GPR162: variants seen among roughly 807,000 people sequenced by gnomAD.
GPR162 encodes probable G protein-coupled receptor 162.
In GPR162, 26 loss-of-function variants were observed where a neutral mutation model predicts 44.9. The observed-to-expected ratio is 0.58, with a 90% CI of 0.42 to 0.80. The LOEUF (loss-of-function observed/expected upper bound fraction) is 0.80, where lower values mean the gene tolerates loss of function less well. Ranked by LOEUF, GPR162 falls within the 30% of genes least tolerant of loss-of-function variation. The probability of loss-of-function intolerance (pLI) is 0.00; values close to 1 mark genes in which losing one functional copy is unlikely to be tolerated. For synonymous variants in GPR162, 363 were observed against 335.2 expected, an observed-to-expected ratio of 1.08 and a Z score of -0.91; for missense variants, 704 against 802.3, an observed-to-expected ratio of 0.88 and a Z score of 1.48.
rs149420287 is a variant in GPR162 at position 6,826,875 on chromosome 12, C to T, written c.1438C>T (p.Arg480Cys). 724 of 1,613,056 alleles carry T rather than the reference C, an allele frequency of 4.5e-4. 1 individual carries two copies. The highest frequency in any genetic ancestry group is 5.4e-4 in the Non-Finnish European group (636 of 1,179,700). ...TGAAGGTGGGGGGCTGGCCAGCCTTCGCCAATTCTTGGAGAGTGGGGTTCT... is the reference window on the plus strand; with the variant it reads ...TGAAGGTGGGGGGCTGGCCAGCCTTTGCCAATTCTTGGAGAGTGGGGTTCT... ...EAEGGGLASL[R>C]QFLESGVLGS... Residue 480 changes from arginine (R) to cysteine (C), a missense_variant, in exon 5 of 5, where the codon CGC becomes TGC. Coordinates refer to ENST00000311268, the MANE Select transcript of GPR162 (RefSeq NM_019858.2).
Position 6,826,993 on chromosome 12 carries a change from C to A in GPR162, c.1556C>A (p.Ala519Asp), listed in dbSNP as rs1199624200. 1 of 1,613,188 alleles carries A rather than the reference C, an allele frequency of 6.2e-7. No individual in the cohort carries two copies. The highest frequency in any genetic ancestry group is 8.5e-7 in the Non-Finnish European group (1 of 1,179,990). Residue 519 changes from alanine to aspartate, a missense_variant, in exon 5 of 5, where the codon GCC becomes GAC. By Grantham distance (126) the Ala-to-Asp change is moderately radical. Around this residue, in one of 6 missense-constraint regions of GPR162, gnomAD observed 404 missense variants for 314.1 expected, o/e 1.29. Transcript: ENST00000311268. ...GAGACACCTCTGCCTTCTCCGACTG[C>A]CTCACCAGGGCACTCTCCTCGTCGG... ...IDETPLPSPT[A>D]SPGHSPRRPR...
Position 6,824,773 on chromosome 12 carries a change from C to T in GPR162, c.867+8C>T, listed in dbSNP as rs781868327. 1.1e-5 allele frequency: 17 copies of T among 1,608,656 alleles called. No individual in the cohort carries two copies. The highest frequency in any genetic ancestry group is 1.1e-5 in the Non-Finnish European group (13 of 1,178,086). ...ACAGGGGTGCCCATCTTGGTGAGAT[C>T]GGGGTCCTCCCCACCTGTTCTCCCC... is the stretch of plus-strand genomic sequence containing the variant. On this transcript the variant is annotated splice_region_variant and intron_variant, in intron 2 of 4. Transcript: ENST00000311268.
Position 6,824,738 on chromosome 12 carries a change from T to A in GPR162, c.840T>A (p.Tyr280Ter). ...TGGTCAGCGCCATCGTCTTTCTCTA[T>A]GACTCACTCACAGGGGTGCCCATCT... is the stretch of plus-strand genomic sequence containing the variant. Reference protein sequence around the residue: ...TNLVSAIVFLYDSLTGVPILV... With the variant: ...TNLVSAIVFL The change falls in exon 2 of 5, where the codon TAT becomes TAA. Residue 280 changes from tyrosine (Y) to a stop codon, truncating the protein, a stop_gained. Coordinates refer to ENST00000311268, the MANE Select transcript of GPR162 (RefSeq NM_019858.2). LOFTEE classifies it high-confidence loss of function. 6.2e-7 allele frequency: 1 copy of A among 1,613,636 alleles called. No homozygotes were observed. Among genetic ancestry groups the A allele is most frequent in the Non-Finnish European group, 8.5e-7 (1 of 1,180,006 alleles).
Position 6,826,989 on chromosome 12 carries a change from A to T in GPR162, c.1552A>T (p.Thr518Ser). 6.2e-7 allele frequency: 1 copy of T among 1,613,158 alleles called. No homozygotes were observed. The highest frequency in any genetic ancestry group is 8.5e-7 in the Non-Finnish European group (1 of 1,179,958). ...FIDETPLPSPTASPGHSPRRP... is the reference protein window; with the variant it reads ...FIDETPLPSPSASPGHSPRRP... ...CGATGAGACACCTCTGCCTTCTCCG[A>T]CTGCCTCACCAGGGCACTCTCCTCG... Residue 518 changes from threonine to serine, a missense_variant, in exon 5 of 5, where the codon ACT becomes TCT. Physicochemically the swap from Thr to Ser is moderately conservative, Grantham distance 58. Transcript: ENST00000311268.
rs1320369489 is a variant in GPR162, at chr12:6,823,469, C to T, written c.-430C>T. 1.9e-5 allele frequency: 8 copies of T among 426,466 alleles called. No homozygotes were observed. Among genetic ancestry groups the T allele is most frequent in the Admixed American group, 3.9e-5 (1 of 25,414 alleles). 26.4% of individuals were successfully genotyped at this position (426,466 alleles called of 1,614,324 possible). A position where few individuals can be genotyped will look rare whatever the true frequency, so the allele number is the denominator to read the frequency against. On this transcript the variant is annotated splice_region_variant and 5_prime_UTR_variant, in exon 2 of 5. Transcript: ENST00000311268. The stretch of plus-strand genomic sequence containing the variant: ...CCACATCTCATCTTTCCCTTGCAGC[C>T]TGTCCAGGGGGCTGAGCCCCACCCC...
Position 6,826,659 on chromosome 12 carries a change from C to A in GPR162, c.1222C>A (p.Leu408Ile). 1 of 1,520,238 alleles carries A rather than the reference C, an allele frequency of 6.6e-7. No homozygotes were observed. The highest frequency in any genetic ancestry group is 8.8e-7 in the Non-Finnish European group (1 of 1,136,150). 94.2% of individuals were successfully genotyped at this position (1,520,238 alleles called of 1,614,324 possible). ...LERVHYLQVPLSRRLSHDETN... is the reference protein window; with the variant it reads ...LERVHYLQVPISRRLSHDETN... Reference sequence around the variant, plus strand: ...TACCCGCTCCTCTTCCCAGGTCCCCCTATCCCGGCGTCTGTCCCATGATGA... The same window carrying A: ...TACCCGCTCCTCTTCCCAGGTCCCCATATCCCGGCGTCTGTCCCATGATGA... Residue 408 changes from leucine to isoleucine, a missense_variant, in exon 5 of 5, where the codon CTA becomes ATA. Leu to Ile is a conservative substitution (Grantham distance 5, BLOSUM62 2). This residue lies in a region of GPR162 where 404 missense variants were observed against 314.1 expected (regional missense o/e 1.29). Transcript: ENST00000311268.
chr12:6,825,066 G>A, intron 2 of GPR162: 1 of 613,286 alleles, frequency 1.6e-6, no homozygotes, highest in South Asian at 1.7e-5. Context: ...CCATCCTGCA[G>A]CTCCACGGTT....
rs1247585368 is a variant in GPR162 at position 6,823,543 on chromosome 12, G to T, written c.-356G>T. 1.7e-5 allele frequency: 9 copies of T among 520,012 alleles called. No individual in the cohort carries two copies. Among genetic ancestry groups the T allele is most frequent in the Non-Finnish European group, 3.1e-5 (9 of 292,322 alleles). The allele number at this position is 520,012 out of a possible 1,614,324, so 32.2% of individuals were successfully genotyped here. A position where few individuals can be genotyped will look rare whatever the true frequency, so the allele number is the denominator to read the frequency against. On this transcript the variant is annotated 5_prime_UTR_variant, in exon 2 of 5. Transcript: ENST00000311268. Reference sequence around the variant, plus strand: ...ATTCCTGACTGGTCAAGAACCAGAGGCAAAAGAGACCTGGAAGTCCCAGCA... The same window carrying T: ...ATTCCTGACTGGTCAAGAACCAGAGTCAAAAGAGACCTGGAAGTCCCAGCA...
At position 6,822,402 on chromosome 12, in the gene GPR162, AAAG is replaced by A. The variant is rs1943295101; in HGVS notation, c.-432+503_-432+505del. Reference sequence around the variant, plus strand: ...GGGGGTGGACCAGGACCTCTTGGGGAAAGCAAGGGTCTGAGCTGCTTCCATGGG... The same window carrying A: ...GGGGGTGGACCAGGACCTCTTGGGGACAAGGGTCTGAGCTGCTTCCATGGG... On this transcript the variant is annotated intron_variant, in intron 1 of 4. Transcript: ENST00000311268. The surrounding 1 kb of genome is among the most constrained non-coding windows in gnomAD (Gnocchi z 4.2). Among the ~76,000 whole-genome samples, 1 of 152,146 alleles carries A rather than the reference AAAG, an allele frequency of 6.6e-6. No individual in the cohort carries two copies. Among genetic ancestry groups the A allele is most frequent in the Non-Finnish European group, 1.5e-5 (1 of 68,012 alleles).
rs781933907 is a variant in GPR162 at position 6,824,573 on chromosome 12, C to G, written c.675C>G (p.Thr225=). Residue 225 remains threonine (T), a synonymous_variant, in exon 2 of 5, where the codon ACC becomes ACG. Transcript: ENST00000311268. ...GGAGAGTGGGGGGTGGTGGGGGGAC[C>G]AAAGCGGGTGGGCCAGGGGCCTTGG... ...QARRVGGGGG[T]KAGGPGALGT... 2 of 1,602,396 alleles carry G rather than the reference C, an allele frequency of 1.2e-6. No homozygotes were observed. The highest frequency in any genetic ancestry group is 1.7e-6 in the Non-Finnish European group (2 of 1,173,296).
chr12:6,822,533 C>T lies in GPR162; in HGVS notation c.-432+633C>T, dbSNP rs1325896989. ...CTCTGTTCAGGGTTTCACCCGATTC[C>T]CTTACCCCCCTTCCCAGGGCTCACT... On this transcript the variant is annotated intron_variant, in intron 1 of 4. Coordinates refer to ENST00000311268, the MANE Select transcript of GPR162 (RefSeq NM_019858.2). The surrounding 1 kb of genome is among the most constrained non-coding windows in gnomAD (Gnocchi z 4.2). Among the ~76,000 whole-genome samples the T allele has an allele frequency of 6.6e-6, 1 of 152,152 alleles. No homozygotes were observed. Among genetic ancestry groups the T allele is most frequent in the East Asian group, 1.9e-4 (1 of 5,186 alleles).
intron 3 of GPR162, among the ~76,000 whole-genome samples, 157 bp downstream of exon 3, chr12:6,825,830 T>A (rs61461797): frequency 6.6e-6 from 1 of 152,280 alleles, no homozygotes; most frequent in African/African-American, 2.4e-5. Context: ...GGCACCCTGC[T>A]GTCCACTCAC....
chr12:6,825,733 C>A, intron 3 of GPR162, 60 bp downstream of exon 3: 1 of 1,424,968 alleles, frequency 7.0e-7, no homozygotes, highest in Non-Finnish European at 9.6e-7. Context: ...TTTTCTGCCG[C>A]TCCTTCTCAG....
In GPR162 at chr12:6,826,865, G is replaced by GGCCAGCCTTC. The variant is rs1565509016; in HGVS notation, c.1433_1442dup (p.Phe482ProfsTer33). The GGCCAGCCTTC allele has an allele frequency of 6.2e-7, 1 of 1,612,974 alleles. No individual in the cohort carries two copies. The highest frequency in any genetic ancestry group is 8.5e-7 in the Non-Finnish European group (1 of 1,179,504). On this transcript the variant is annotated frameshift_variant, in exon 5 of 5. Coordinates refer to ENST00000311268, the MANE Select transcript of GPR162 (RefSeq NM_019858.2). LOFTEE classifies it high-confidence loss of function. Reference sequence around the variant, plus strand: ...AGGAAGAGGCTGAAGGTGGGGGGCTGGCCAGCCTTCGCCAATTCTTGGAGA... The same window carrying GGCCAGCCTTC: ...AGGAAGAGGCTGAAGGTGGGGGGCTGGCCAGCCTTCGCCAGCCTTCGCCAATTCTTGGAGA...
rs75167863 is a variant in GPR162 at position 6,824,423 on chromosome 12, C to T, written c.525C>T (p.Ile175=). The T allele has an allele frequency of 0.022, 34,820 of 1,614,218 alleles. 654 individuals are homozygous for T. The highest frequency in any genetic ancestry group is 0.082 in the Middle Eastern group (495 of 6,062). ...GCTGCCAGTTCATAGTCTCCAAGATCGGCCTCGGCTTTGGCGTTTGCTTCA... is the reference window on the plus strand; with the variant it reads ...GCTGCCAGTTCATAGTCTCCAAGATTGGCCTCGGCTTTGGCGTTTGCTTCA... ...ARGCQFIVSK[I]GLGFGVCFSL... is the part of the protein sequence containing the mutation. Residue 175 remains isoleucine, a synonymous_variant, in exon 2 of 5, where the codon ATC becomes ATT. Coordinates refer to ENST00000311268, the MANE Select transcript of GPR162 (RefSeq NM_019858.2).
chr12:6,823,020 C>T (rs932677930), intron 1 of GPR162, among the ~76,000 whole-genome samples: 1 of 152,196 alleles, frequency 6.6e-6, no homozygotes. Context: ...GCACCAAGAC[C>T]CCTGCATCCA....
In GPR162 at chr12:6,824,671, A is replaced by C; in HGVS notation, c.773A>C (p.Asp258Ala). The C allele has an allele frequency of 6.2e-7, 1 of 1,614,034 alleles. No individual in the cohort carries two copies. Among genetic ancestry groups the C allele is most frequent in the Non-Finnish European group, 8.5e-7 (1 of 1,179,986 alleles). ...CGAGGGAAGCGGCGGTCCTCGCTGGATGGCTCGGAGTCTGCCAAGACATCC... is the reference window on the plus strand; with the variant it reads ...CGAGGGAAGCGGCGGTCCTCGCTGGCTGGCTCGGAGTCTGCCAAGACATCC... ...DARGKRRSSL[D>A]GSESAKTSLQ... is the part of the protein sequence containing the mutation. The change falls in exon 2 of 5, where the codon GAT (aspartate) becomes GCT (alanine). Residue 258 changes from aspartate (D) to alanine (A), a missense_variant. Physicochemically the swap from Asp to Ala is moderately radical, Grantham distance 126. Around this residue, in one of 6 missense-constraint regions of GPR162, gnomAD observed 92 missense variants for 156.5 expected, o/e 0.59. Coordinates refer to ENST00000311268, the MANE Select transcript of GPR162 (RefSeq NM_019858.2).
Position 6,823,822 on chromosome 12 carries a change from G to A in GPR162, c.-77G>A, listed in dbSNP as rs1943314675. 6.2e-7 allele frequency: 1 copy of A among 1,603,278 alleles called. No individual in the cohort carries two copies. Among genetic ancestry groups the A allele is most frequent in the African/African-American group, 1.3e-5 (1 of 74,734 alleles). On this transcript the variant is annotated 5_prime_UTR_variant, in exon 2 of 5. Coordinates refer to ENST00000311268, the MANE Select transcript of GPR162 (RefSeq NM_019858.2). ...CGAGGATTGTGGGGATCATGGGAGT[G>A]TTTGTGAGTGGGGCTCCTGGGTGAG... is the stretch of plus-strand genomic sequence containing the variant.
rs1555119595 is a variant in GPR162 at position 6,824,065 on chromosome 12, C to T, written c.167C>T (p.Ala56Val). 1.9e-6 allele frequency: 3 copies of T among 1,613,260 alleles called. No individual in the cohort carries two copies. Among genetic ancestry groups the T allele is most frequent in the Non-Finnish European group, 1.7e-6 (2 of 1,179,734 alleles). Residue 56 changes from alanine (A) to valine (V), a missense_variant, in exon 2 of 5, where the codon GCG (alanine) becomes GTG (valine). Around this residue, in one of 6 missense-constraint regions of GPR162, gnomAD observed 110 missense variants for 206.2 expected, o/e 0.53. Coordinates refer to ENST00000311268, the MANE Select transcript of GPR162 (RefSeq NM_019858.2). ...KPLELLLCFL[A>V]GTHILMAAVP... ...CTGGAGCTGCTGCTCTGCTTCCTAG[C>T]GGGCACACACATACTCATGGCAGCT...
Sources: allele counts gnomAD v4.1 joint callset (sites outside exome capture counted in the v4.1 genomes callset), GRCh38; gene constraint gnomAD v4.1.1; regional missense constraint gnomAD v4.1.1; non-coding constraint Gnocchi (gnomAD v3.1); transcripts MANE v1.5; gene names NCBI Gene and HGNC (gene_info 2026-07-23, HGNC 2026-07-21).